The following CHD1 variants were observed in gnomAD, a reference collection of about 807,000 sequenced individuals.
The protein encoded by CHD1 is ATP-dependent chromatin remodeler CHD1.
In CHD1, 36 loss-of-function variants were observed where a neutral mutation model predicts 224.2. The ratio of observed to expected loss-of-function variants is 0.16; its 90% CI spans 0.12 to 0.21. CHD1 has a LOEUF of 0.21. Among genes scored for constraint, CHD1 ranks in the 10% least tolerant of loss-of-function variants. The pLI is 1.00. For synonymous variants in CHD1, 668 were observed against 658.3 expected, an observed-to-expected ratio of 1.01 and a Z score of -0.23; for missense variants, 1,378 against 1,994.8, an observed-to-expected ratio of 0.69 and a Z score of 5.89.
At chr5:98,922,687 C>T (rs1753180914) in intron 2 of CHD1, among the ~76,000 whole-genome samples, 1 of 152,176 alleles carries the variant, frequency 6.6e-6, no homozygotes, top group South Asian at 2.1e-4. Context: ...AAGTATATTT[C>T]TAATCTAATT....
At chr5:98,928,455 G>A (rs1348538634) in intron 1 of CHD1, 84 bp downstream of exon 1, 1 of 153,150 alleles carries the variant, frequency 6.5e-6, no homozygotes, top group Non-Finnish European at 1.4e-5. Flanking sequence ...CCGCCGCCTG[G>A]GCACCGCGCC....
At chr5:98,872,636 CTTATG>C (rs1749438554) in intron 26 of CHD1, 81 bp from the exon 27 acceptor site, 1 of 1,160,866 alleles carries the variant, frequency 8.6e-7, no homozygotes, top group East Asian at 2.4e-5. Context: ...GATGCTATTA[CTTATG>C]TTATTTAACA....
chr5:98,858,077 G>C, intron 35 of CHD1, 103 bp downstream of exon 35: 1 of 808,642 alleles, frequency 1.2e-6, no homozygotes, highest in Non-Finnish European at 2.0e-6. Context: ...GATTTGTTTT[G>C]ACTGCATGAA....
chr5:98,913,717 A>G (rs327793), intron 2 of CHD1, among the ~76,000 whole-genome samples: 48,858 of 152,048 alleles, frequency 0.32, 9,522 homozygotes, highest in African/African-American at 0.54. Context: ...AAAAAAGGAA[A>G]AGATGTTATT....
chr5:98,857,696 A>G (rs1211877327), intron 35 of CHD1, among the ~76,000 whole-genome samples: 1 of 152,096 alleles, frequency 6.6e-6, no homozygotes, highest in Non-Finnish European at 1.5e-5. Context: ...AAAAACAATA[A>G]ACAAAAAACC....
chr5:98,904,928 T>C lies in CHD1; in HGVS notation c.224A>G (p.Gln75Arg). The C allele has an allele frequency of 1.2e-6, 2 of 1,614,046 alleles. No individual in the cohort carries two copies. The highest frequency in any genetic ancestry group is 1.7e-6 in the Non-Finnish European group (2 of 1,179,928). ...ESDTSRENKV[Q>R]AKPPKVDGAE... The stretch of plus-strand genomic sequence containing the variant: ...TCCATCAACTTTCGGTGGTTTTGCT[T>C]GAACTTTGTTTTCTCGGGAAGTGTC... Residue 75 changes from glutamine to arginine, a missense_variant, in exon 3 of 36, where the codon CAA (glutamine) becomes CGA (arginine). By Grantham distance (43) the Gln-to-Arg change is conservative. Coordinates refer to ENST00000614616, the MANE Select transcript of CHD1 (RefSeq NM_001270.4).
chr5:98,882,193 A>C (rs1750239979), intron 19 of CHD1, 70 bp from the exon 20 acceptor site: 1 of 1,257,544 alleles, frequency 8.0e-7, no homozygotes, highest in Non-Finnish European at 1.1e-6. Flanking sequence ...AAGTGCCTAA[A>C]CACTGGCACA....
In CHD1 at chr5:98,888,265, T is replaced by C. The variant is rs769135993; in HGVS notation, c.2344-25A>G. 2.3e-5 allele frequency: 37 copies of C among 1,577,304 alleles called. 1 individual carries two copies. The South Asian group carries it at 3.7e-4, about 16-fold the overall frequency. Reference sequence around the variant, plus strand: ...GCTACAGAAACAATTCAAGTTGTTATATGTTAAAAGACATAAATGGTAAGT... The same window carrying C: ...GCTACAGAAACAATTCAAGTTGTTACATGTTAAAAGACATAAATGGTAAGT... On this transcript the variant is annotated intron_variant, in intron 16 of 35. Coordinates refer to ENST00000614616, the MANE Select transcript of CHD1 (RefSeq NM_001270.4).
At chr5:98,912,697 G>T (rs1448511991) in intron 2 of CHD1, among the ~76,000 whole-genome samples, 2 of 151,928 alleles carry the variant, frequency 1.3e-5, no homozygotes, top group Admixed American at 6.6e-5. Context: ...ATAAAATAAA[G>T]AAAGCAAAGT....
At chr5:98,868,790 C>A in intron 30 of CHD1, 155 bp from the exon 31 acceptor site, 2 of 800,864 alleles carry the variant, frequency 2.5e-6, no homozygotes, top group Non-Finnish European at 1.8e-6. Context: ...TTTTTTTCCC[C>A]AATTTTATTT....
In CHD1 at chr5:98,928,758, A is replaced by G. The variant is rs1282131086; in HGVS notation, c.-368T>C. ...TGCGGAGTGGAGCTAACAATTCATT[A>G]TTGAAGCACCAAGGGCGAGGGCAGC... On this transcript the variant is annotated 5_prime_UTR_variant, in exon 1 of 36. Transcript: ENST00000614616. 1 of 154,548 alleles carries G rather than the reference A, an allele frequency of 6.5e-6. No individual in the cohort carries two copies. Among genetic ancestry groups the G allele is most frequent in the Non-Finnish European group, 1.4e-5 (1 of 69,068 alleles). The allele number at this position is 154,548 out of a possible 1,614,324, so 9.6% of individuals were successfully genotyped here.
At position 98,928,703 on chromosome 5, in the gene CHD1, C is replaced by G. The variant is rs1013138359; in HGVS notation, c.-313G>C. On this transcript the variant is annotated 5_prime_UTR_variant, in exon 1 of 36. Transcript: ENST00000614616. ...ACAGACGCGGAGGGGAAGGGGAAGC[C>G]CCGGTCCGCAGCACCAACGCGCGAT... is the stretch of plus-strand genomic sequence containing the variant. The G allele has an allele frequency of 6.5e-6, 1 of 153,924 alleles. No homozygotes were observed. Among genetic ancestry groups the G allele is most frequent in the Non-Finnish European group, 1.4e-5 (1 of 69,088 alleles). 9.5% of individuals were successfully genotyped at this position (153,924 alleles called of 1,614,324 possible). A position where few individuals can be genotyped will look rare whatever the true frequency, so the allele number is the denominator to read the frequency against.
intron 15 of CHD1, among the ~76,000 whole-genome samples, chr5:98,892,104 T>C (rs564198716): frequency 1.3e-5 from 2 of 152,200 alleles, no homozygotes; most frequent in Admixed American, 1.3e-4. Context: ...TGTATAGATC[T>C]TGACATACAA....
intron 2 of CHD1, among the ~76,000 whole-genome samples, chr5:98,913,909 T>C (rs162150): frequency 0.33 from 50,464 of 151,954 alleles, 10,037 homozygotes; most frequent in African/African-American, 0.55. Context: ...TCATTTCTTA[T>C]GATGAGAGTA....
intron 32 of CHD1, 63 bp downstream of exon 32, chr5:98,863,344 CA>C (rs35183210): frequency 0.34 from 256,510 of 761,638 alleles, 13,482 homozygotes; most frequent in African/African-American, 0.53. Context: ...GGAAAGAAAA[CA>C]AAAAAAAAAA....
chr5:98,915,537 T>C (rs1172592048), intron 2 of CHD1, among the ~76,000 whole-genome samples: 2 of 152,222 alleles, frequency 1.3e-5, no homozygotes, highest in Admixed American at 6.5e-5. Context: ...GCTATGGATA[T>C]ATACACTGAA....
In CHD1 at chr5:98,874,249, G is replaced by A. The variant is rs180690219; in HGVS notation, c.3441-526C>T. Reference sequence around the variant, plus strand: ...AAATAAACTAATTTGAGTCTTTGCTGATCTATATTCAGACAGTGGGTTGGC... The same window carrying A: ...AAATAAACTAATTTGAGTCTTTGCTAATCTATATTCAGACAGTGGGTTGGC... On this transcript the variant is annotated intron_variant, in intron 25 of 35. Transcript: ENST00000614616. Among the ~76,000 whole-genome samples, 18 of 152,080 alleles carry A rather than the reference G, an allele frequency of 1.2e-4. No homozygotes were observed. The East Asian group carries it at 3.1e-3, about 26-fold the overall frequency.
At chr5:98,908,435 C>T (rs1488341854) in intron 2 of CHD1, among the ~76,000 whole-genome samples, 1 of 152,096 alleles carries the variant, frequency 6.6e-6, no homozygotes, top group African/African-American at 2.4e-5. Flanking sequence ...TTTTCAGGTA[C>T]CCTACCTAAG....
intron 28 of CHD1, among the ~76,000 whole-genome samples, chr5:98,871,441 T>C (rs980734325): frequency 5.8e-5 from 7 of 120,194 alleles, no homozygotes; most frequent in Non-Finnish European, 1.2e-4. Context: ...CCAAAAATAC[T>C]ACAATGCCGA....
Sources: allele counts gnomAD v4.1 joint callset (sites outside exome capture counted in the v4.1 genomes callset), GRCh38; gene constraint gnomAD v4.1.1; transcripts MANE v1.5; gene names NCBI Gene and HGNC (gene_info 2026-07-23, HGNC 2026-07-21).